Variants in AGBL4 observed in about 807,000 individuals in gnomAD.
The protein encoded by AGBL4 is AGBL carboxypeptidase 4, also known as cytosolic carboxypeptidase 6.
A neutral mutation model predicts 66.4 loss-of-function variants in AGBL4; 58 were observed. That is an observed-to-expected ratio of 0.87 (90% CI 0.71 to 1.09). The LOEUF (loss-of-function observed/expected upper bound fraction) is 1.09, where lower values mean the gene tolerates loss of function less well. Among genes scored for constraint, AGBL4 ranks in the 50% least tolerant of loss-of-function variants. The pLI, the probability that AGBL4 is intolerant of heterozygous loss-of-function variation, is 0.00. For missense variants in AGBL4, 579 were observed against 631.0 expected (o/e 0.92, Z 0.88); for synonymous variants, 234 against 222.9 (o/e 1.05, Z -0.44).
At chr1:49,155,756 A>T (rs1350858784) in intron 4 of AGBL4, among the ~76,000 whole-genome samples, 1 of 152,220 alleles carries the variant, frequency 6.6e-6, no homozygotes, top group African/African-American at 2.4e-5. Context: ...CACAGATGAT[A>T]AGATAACAGT....
At chr1:49,054,714 A>T (rs1644279556) in intron 4 of AGBL4, among the ~76,000 whole-genome samples, 1 of 152,028 alleles carries the variant, frequency 6.6e-6, no homozygotes, top group Non-Finnish European at 1.5e-5. Flanking sequence ...AAATGTTTTC[A>T]TAAAGTTTTA....
At chr1:48,979,244 A>T (rs1353753781) in intron 5 of AGBL4, among the ~76,000 whole-genome samples, 1 of 152,134 alleles carries the variant, frequency 6.6e-6, no homozygotes, top group Non-Finnish European at 1.5e-5. Context: ...TAAAACTGTA[A>T]TTTTTAAAAT....
At chr1:49,874,133 A>C (rs1045255482) in intron 1 of AGBL4, among the ~76,000 whole-genome samples, 2 of 152,260 alleles carry the variant, frequency 1.3e-5, no homozygotes, top group South Asian at 2.1e-4. Context: ...TTTACTACAA[A>C]TAATGCTAGA....
At chr1:49,102,335 A>G (rs554066501) in intron 4 of AGBL4, among the ~76,000 whole-genome samples, 11 of 152,308 alleles carry the variant, frequency 7.2e-5, no homozygotes, top group Non-Finnish European at 1.5e-4. Flanking sequence ...TTACCTAAAG[A>G]GCAATATATC....
intron 6 of AGBL4, among the ~76,000 whole-genome samples, chr1:48,755,972 C>A (rs1335556303): frequency 9.8e-5 from 15 of 152,312 alleles, no homozygotes; most frequent in Non-Finnish European, 1.5e-5. Context: ...TGCCCAAGGT[C>A]ATATAGCCAA....
chr1:49,017,833 G>A (rs1484733240), intron 5 of AGBL4, among the ~76,000 whole-genome samples: 7 of 152,114 alleles, frequency 4.6e-5, no homozygotes, highest in Admixed American at 1.3e-4. Context: ...ACTAACCCTG[G>A]GGAAACTTCA....
intron 11 of AGBL4, among the ~76,000 whole-genome samples, chr1:48,560,149 T>A (rs1644375752): frequency 6.6e-6 from 1 of 152,238 alleles, no homozygotes; most frequent in Admixed American, 6.5e-5. Context: ...TCTTGTGTTA[T>A]AAGATTTACG....
At chr1:49,718,336 C>G (rs1648325230) in intron 2 of AGBL4, among the ~76,000 whole-genome samples, 1 of 152,026 alleles carries the variant, frequency 6.6e-6, no homozygotes, top group Admixed American at 6.6e-5. Context: ...TCCCCTTTAC[C>G]TTCTGCCATG....
intron 2 of AGBL4, among the ~76,000 whole-genome samples, chr1:49,730,797 G>A (rs1432283476): frequency 6.6e-6 from 1 of 152,174 alleles, no homozygotes; most frequent in African/African-American, 2.4e-5. Flanking sequence ...CCCAGGCAGA[G>A]GCATCATCCA....
chr1:48,544,307 G>A (rs1185198745), intron 11 of AGBL4, among the ~76,000 whole-genome samples: 7 of 152,344 alleles, frequency 4.6e-5, no homozygotes, highest in African/African-American at 7.2e-5. Context: ...GGTTGTGTGC[G>A]CCAGCAGTAA....
At chr1:48,598,103 G>A (rs1037694930) in intron 9 of AGBL4, among the ~76,000 whole-genome samples, 4 of 152,218 alleles carry the variant, frequency 2.6e-5, no homozygotes, top group Non-Finnish European at 5.9e-5. Flanking sequence ...AGCCTGGACA[G>A]GTTTGCAGGG....
chr1:48,642,441 T>G (rs896679252), intron 8 of AGBL4, among the ~76,000 whole-genome samples: 2 of 152,130 alleles, frequency 1.3e-5, no homozygotes, highest in African/African-American at 4.8e-5. Flanking sequence ...TCTCTCCTGC[T>G]TGGCAGCAAC....
At chr1:49,776,552 A>G (rs1010299628) in intron 2 of AGBL4, among the ~76,000 whole-genome samples, 11 of 151,994 alleles carry the variant, frequency 7.2e-5, no homozygotes, top group Non-Finnish European at 2.9e-5. Flanking sequence ...CTAACCTCAA[A>G]ATCAGCAGGT....
intron 5 of AGBL4, among the ~76,000 whole-genome samples, chr1:48,885,217 CAT>C (rs1383855777): frequency 1.3e-5 from 2 of 152,234 alleles, no homozygotes; most frequent in African/African-American, 4.8e-5. Context: ...TATTTTGTGA[CAT>C]GTGGAAATTA....
intron 4 of AGBL4, among the ~76,000 whole-genome samples, chr1:49,085,750 G>T (rs527417885): frequency 6.6e-6 from 1 of 152,138 alleles, no homozygotes; most frequent in East Asian, 2.0e-4. Context: ...GGGTCCCCTG[G>T]GGGATTCATA....
At chr1:49,199,513 G>T (rs1190814222) in intron 4 of AGBL4, among the ~76,000 whole-genome samples, 1 of 152,106 alleles carries the variant, frequency 6.6e-6, no homozygotes, top group African/African-American at 2.4e-5. Context: ...CTTTCTAGTG[G>T]CAGGAACCTT....
chr1:49,457,036 C>T (rs1646405447), intron 3 of AGBL4, among the ~76,000 whole-genome samples: 1 of 151,738 alleles, frequency 6.6e-6, no homozygotes, highest in African/African-American at 2.4e-5. Flanking sequence ...TATAAACATG[C>T]ATGTGCAAGT....
intron 1 of AGBL4, among the ~76,000 whole-genome samples, chr1:49,935,056 G>T (rs962651038): frequency 2.0e-5 from 3 of 152,218 alleles, no homozygotes; most frequent in Non-Finnish European, 2.9e-5. Flanking sequence ...AAGTGCAAGG[G>T]GTCAGGGAGT....
chr1:48,962,858 G>C (rs1658111508), intron 5 of AGBL4, among the ~76,000 whole-genome samples: 1 of 151,992 alleles, frequency 6.6e-6, no homozygotes, highest in Non-Finnish European at 1.5e-5. Context: ...ATCCTGGGTT[G>C]AGTCTTGATT....
Sources: gnomAD v4.1 joint callset for allele counts (sites outside exome capture counted in the v4.1 genomes callset) on GRCh38, gnomAD v4.1.1 for gene constraint, MANE v1.5 for transcripts, NCBI Gene and HGNC (gene_info 2026-07-23, HGNC 2026-07-21) for gene names.